The following UBR3 variants were observed in gnomAD, a reference collection of about 807,000 sequenced individuals.
UBR3 encodes the protein E3 ubiquitin-protein ligase UBR3.
In UBR3, 85 loss-of-function variants were observed where a neutral mutation model predicts 243.2. The observed-to-expected ratio is 0.35, with a 90% confidence interval of 0.29 to 0.42. The LOEUF (loss-of-function observed/expected upper bound fraction) is 0.42. Among genes scored for constraint, UBR3 ranks in the 10% least tolerant of loss-of-function variants. The pLI is 1.00. For missense variants in UBR3, 1,686 were observed against 2,300.8 expected, an observed-to-expected ratio of 0.73 and a Z score of 5.47; for synonymous variants, 748 against 799.8, an observed-to-expected ratio of 0.94 and a Z score of 1.09.
At chr2:169,979,675 A>G (rs150978336) in intron 24 of UBR3, among the ~76,000 whole-genome samples, 27 of 152,356 alleles carry the variant, frequency 1.8e-4, no homozygotes, top group Non-Finnish European at 3.5e-4. Flanking sequence ...GTGTGTTTCC[A>G]GTTATATGAC....
chr2:169,846,372 T>C (rs546280189), intron 1 of UBR3, among the ~76,000 whole-genome samples: 2 of 152,350 alleles, frequency 1.3e-5, no homozygotes, highest in East Asian at 3.9e-4. Flanking sequence ...TCGTCACCCA[T>C]ATTTCTTTTG....
At chr2:170,077,371 A>T in intron 36 of UBR3, 1 of 1,059,860 alleles carries the variant, frequency 9.4e-7, no homozygotes, top group Non-Finnish European at 1.5e-6. Context: ...AATAACATCC[A>T]AAGTTATATA....
chr2:170,051,019 T>C lies in UBR3; in HGVS notation c.4661-4441T>C, dbSNP rs114899714. Among the ~76,000 whole-genome samples, 382 of 152,326 alleles carry C rather than the reference T, an allele frequency of 2.5e-3. 1 individual carries two copies. Among genetic ancestry groups the C allele is most frequent in the African/African-American group, 8.7e-3 (362 of 41,574 alleles). On this transcript the variant is annotated intron_variant, in intron 32 of 38. Coordinates refer to ENST00000272793, the MANE Select transcript of UBR3 (RefSeq NM_172070.4). Reference sequence around the variant, plus strand: ...ATCTTCTCATATACTTTAAATCATCTCTAGATTACTTAGTACAATATAAAT... The same window carrying C: ...ATCTTCTCATATACTTTAAATCATCCCTAGATTACTTAGTACAATATAAAT...
chr2:169,996,179 C>T (rs2089470784), intron 26 of UBR3, among the ~76,000 whole-genome samples: 1 of 152,140 alleles, frequency 6.6e-6, no homozygotes, highest in African/African-American at 2.4e-5. Flanking sequence ...CCTTAATATG[C>T]TAGGCTGACA....
At chr2:169,853,356 A>G (rs1057302021) in intron 1 of UBR3, among the ~76,000 whole-genome samples, 1 of 152,180 alleles carries the variant, frequency 6.6e-6, no homozygotes, top group Non-Finnish European at 1.5e-5. Context: ...AATTAGAAAG[A>G]TGTATAGGTT....
chr2:169,865,038 A>G (rs1469317991), intron 1 of UBR3, among the ~76,000 whole-genome samples: 3 of 151,940 alleles, frequency 2.0e-5, no homozygotes, highest in Admixed American at 6.6e-5. Context: ...GTGAGCCGAG[A>G]TGGCACCAAG....
chr2:170,078,883 A>C (rs1315780831), intron 36 of UBR3, among the ~76,000 whole-genome samples: 1 of 152,160 alleles, frequency 6.6e-6, no homozygotes, highest in Non-Finnish European at 1.5e-5. Flanking sequence ...CTTGGAGTCC[A>C]GGGTTGGGTG....
At chr2:170,025,470 A>G (rs1410903476) in intron 30 of UBR3, among the ~76,000 whole-genome samples, 1 of 152,204 alleles carries the variant, frequency 6.6e-6, no homozygotes, top group Admixed American at 6.6e-5. Flanking sequence ...ATGAGACGAC[A>G]TGACACGTTG....
intron 35 of UBR3, among the ~76,000 whole-genome samples, chr2:170,066,993 T>TAATAATAATAATAGTAAA (rs71006067): frequency 1.4e-5 from 2 of 144,228 alleles, no homozygotes; most frequent in Non-Finnish European, 3.0e-5. Context: ...ATAATAATAA[T>TAATAATAATAATAGTAAA]AAACTTCATT....
At chr2:170,021,876 T>C (rs751232148) in intron 30 of UBR3, among the ~76,000 whole-genome samples, 2 of 152,154 alleles carry the variant, frequency 1.3e-5, no homozygotes, top group Non-Finnish European at 2.9e-5. Flanking sequence ...TATTTATAAT[T>C]TGGGCATTCA....
chr2:170,017,699 A>T (rs10497355), intron 30 of UBR3, among the ~76,000 whole-genome samples: 66,234 of 151,964 alleles, frequency 0.44, 15,529 homozygotes, highest in Non-Finnish European at 0.54. Flanking sequence ...TACATCTTCA[A>T]ACATTTTTAA....
In UBR3 at chr2:170,066,993, T is replaced by TAAA. The variant is rs143916482; in HGVS notation, c.5019+5551_5019+5553dup. 1.2e-4 allele frequency among the ~76,000 whole-genome samples: 18 copies of TAAA among 144,276 alleles called. No individual in the cohort carries two copies. The South Asian group carries it at 1.3e-3, about 11-fold the overall frequency. 94.7% of individuals were successfully genotyped at this position (144,276 alleles called of 152,430 possible). On this transcript the variant is annotated intron_variant, in intron 35 of 38. Transcript: ENST00000272793. ...ATAATAATAATAATAATAATAATAA[T>TAAA]AAACTTCATTATAACTGAGAGGTAG...
intron 18 of UBR3, 38 bp from the exon 19 acceptor site, chr2:169,932,874 C>T (rs1372061276): frequency 1.4e-6 from 2 of 1,445,930 alleles, no homozygotes. Flanking sequence ...GATTTTATTT[C>T]TGAGAAGTCA....
chr2:170,023,603 G>GT lies in UBR3; in HGVS notation c.4454-5736dup, dbSNP rs1275212301. 4.7e-5 allele frequency among the ~76,000 whole-genome samples: 7 copies of GT among 148,906 alleles called. 1 individual carries two copies. In the Middle Eastern group the frequency reaches 0.011, roughly 228 times the overall value. On this transcript the variant is annotated intron_variant, in intron 30 of 38. Transcript: ENST00000272793. ...TTTTGTTTTTGCTTTGTTTTGTTTT[G>GT]TTTTTTTGAGACGGAGTCTTGCTCT...
intron 32 of UBR3, among the ~76,000 whole-genome samples, chr2:170,054,765 G>A (rs762703921): frequency 2.0e-5 from 3 of 152,004 alleles, no homozygotes; most frequent in Admixed American, 2.0e-4. Context: ...CATCATATAG[G>A]GGTAGATGAT....
chr2:169,935,616 G>T (rs1246742638), intron 19 of UBR3, among the ~76,000 whole-genome samples: 1 of 152,162 alleles, frequency 6.6e-6, no homozygotes, highest in East Asian at 1.9e-4. Flanking sequence ...GTTGCCTCCT[G>T]TCTCCCATCT....
At chr2:169,988,539 TC>T (rs1184119344) in intron 25 of UBR3, among the ~76,000 whole-genome samples, 1 of 152,208 alleles carries the variant, frequency 6.6e-6, no homozygotes, top group East Asian at 1.9e-4. Flanking sequence ...ACACAGTGGT[TC>T]ACGCCTGTAA....
intron 24 of UBR3, chr2:169,964,912 A>T: frequency 4.4e-6 from 2 of 457,042 alleles, no homozygotes; most frequent in Non-Finnish European, 8.8e-6. Context: ...AGTCTTCAGG[A>T]TAATGAGCTC....
At chr2:169,857,064 G>GTTTTGTTTT (rs1255937396) in intron 1 of UBR3, among the ~76,000 whole-genome samples, 49 of 56,092 alleles carry the variant, frequency 8.7e-4, no homozygotes, top group South Asian at 1.8e-3. Flanking sequence ...ATTTTATTAT[G>GTTTTGTTTT]TTTTTTTTTT....
Sources: allele counts gnomAD v4.1 joint callset (sites outside exome capture counted in the v4.1 genomes callset), GRCh38; gene constraint gnomAD v4.1.1; transcripts MANE v1.5; gene names NCBI Gene and HGNC (gene_info 2026-07-23, HGNC 2026-07-21).